The following ST3GAL6 variants were observed in gnomAD, a reference collection of about 807,000 sequenced individuals.
ST3GAL6 encodes type 2 lactosamine alpha-2,3-sialyltransferase.
In ST3GAL6, 31 loss-of-function variants were observed where a neutral mutation model predicts 40.5. That is an observed-to-expected ratio of 0.77 (90% confidence interval 0.58 to 1.03). The LOEUF is 1.03. Among genes scored for constraint, ST3GAL6 ranks in the 50% least tolerant of loss-of-function variants. The pLI is 0.00. For missense variants in ST3GAL6, 357 were observed against 393.2 expected (o/e 0.91, Z 0.78); for synonymous variants, 129 against 136.9 (o/e 0.94, Z 0.40).
intron 1 of ST3GAL6, among the ~76,000 whole-genome samples, chr3:98,747,837 G>GTA (rs1444115238): frequency 2.0e-5 from 3 of 152,158 alleles, no homozygotes; most frequent in African/African-American, 7.2e-5. Context: ...GTGTTTTTGT[G>GTA]TGTATATATA....
At chr3:98,755,368 C>A (rs1003599840) in intron 1 of ST3GAL6, among the ~76,000 whole-genome samples, 3 of 152,092 alleles carry the variant, frequency 2.0e-5, no homozygotes, top group African/African-American at 7.2e-5. Context: ...CTAGATTGAA[C>A]ATAATAAACT....
rs1230503175 is a variant in ST3GAL6, at chr3:98,788,090, C to T, written c.486C>T (p.Thr162=). 7 of 1,613,836 alleles carry T rather than the reference C, an allele frequency of 4.3e-6. No individual in the cohort carries two copies. Among genetic ancestry groups the T allele is most frequent in the East Asian group, 2.2e-5 (1 of 44,868 alleles). ...AAGAAGAAGTTGGGAGAAGGACAACCTTCCGACTTTTTTATCCAGAATCTG... is the reference window on the plus strand; with the variant it reads ...AAGAAGAAGTTGGGAGAAGGACAACTTTCCGACTTTTTTATCCAGAATCTG... ...GHEEEVGRRT[T]FRLFYPESVF... The change falls in exon 7 of 10, where the codon ACC becomes ACT. Residue 162 remains threonine, a synonymous_variant. Transcript: ENST00000483910.
In ST3GAL6 at chr3:98,750,057, A is replaced by C. The variant is rs189478988; in HGVS notation, c.-12+17525A>C. 2.7e-4 allele frequency among the ~76,000 whole-genome samples: 41 copies of C among 152,262 alleles called. 1 individual carries two copies. Among genetic ancestry groups the C allele is most frequent in the African/African-American group, 9.6e-4 (40 of 41,526 alleles). ...AGGGGACTTTCCCTGCCCCGTTCAG[A>C]GACACATGATTTTTTTTTAACAGAA... On this transcript the variant is annotated intron_variant, in intron 1 of 9. Coordinates refer to the ST3GAL6 transcript ENST00000265261.
intron 5 of ST3GAL6, among the ~76,000 whole-genome samples, chr3:98,777,348 G>A (rs1939651187): frequency 6.6e-6 from 1 of 152,210 alleles, no homozygotes; most frequent in Non-Finnish European, 1.5e-5. Context: ...CAAGGTGAGA[G>A]TATTCGTACC....
At chr3:98,742,940 T>C (rs1936226034) in intron 1 of ST3GAL6, among the ~76,000 whole-genome samples, 1 of 151,426 alleles carries the variant, frequency 6.6e-6, no homozygotes, top group Admixed American at 6.6e-5. Flanking sequence ...CCTCAGGTGA[T>C]CTGCCCGACT....
At chr3:98,734,144 A>G (rs1935318637) in intron 1 of ST3GAL6, among the ~76,000 whole-genome samples, 1 of 152,110 alleles carries the variant, frequency 6.6e-6, no homozygotes, top group Non-Finnish European at 1.5e-5. Context: ...CCGGTCCTCA[A>G]TCTTCCTCAC....
chr3:98,745,942 C>T (rs1290290230), intron 1 of ST3GAL6, among the ~76,000 whole-genome samples: 1 of 152,100 alleles, frequency 6.6e-6, no homozygotes, highest in Non-Finnish European at 1.5e-5. Context: ...GCCTTTAGTA[C>T]ATCCATACTC....
chr3:98,745,952 C>G (rs921119501), intron 1 of ST3GAL6, among the ~76,000 whole-genome samples: 1 of 152,108 alleles, frequency 6.6e-6, no homozygotes. Flanking sequence ...CATCCATACT[C>G]TCTCGGCTCA....
intron 5 of ST3GAL6, among the ~76,000 whole-genome samples, chr3:98,776,339 C>T (rs1334574272): frequency 6.6e-6 from 1 of 152,140 alleles, no homozygotes; most frequent in Admixed American, 6.5e-5. Context: ...CTCAAGTGAC[C>T]TTATGTAGTT....
intron 1 of ST3GAL6, among the ~76,000 whole-genome samples, chr3:98,764,117 G>A (rs1938079884): frequency 6.6e-6 from 1 of 152,138 alleles, no homozygotes; most frequent in Middle Eastern, 3.2e-3. Context: ...TTCTTCCTTG[G>A]TGTTGCATAT....
At chr3:98,785,069 G>T (rs1475658498) in intron 6 of ST3GAL6, 29 bp downstream of exon 6, 1 of 1,473,532 alleles carries the variant, frequency 6.8e-7, no homozygotes, top group African/African-American at 1.4e-5. Context: ...TGCTACCCTA[G>T]AATTGTTTCA....
intron 9 of ST3GAL6, among the ~76,000 whole-genome samples, chr3:98,792,509 TA>T (rs200800537): frequency 3.4e-5 from 5 of 146,938 alleles, no homozygotes; most frequent in Admixed American, 6.8e-5. Context: ...AATTTTAGTT[TA>T]AATTTTTTTT....
chr3:98,768,761 G>T (rs774600065), intron 2 of ST3GAL6, among the ~76,000 whole-genome samples: 7 of 152,144 alleles, frequency 4.6e-5, no homozygotes, highest in Non-Finnish European at 1.0e-4. Flanking sequence ...AAGCCATGGT[G>T]TTAACCATCT....
Position 98,788,150 on chromosome 3 carries a change from G to A in ST3GAL6, c.546G>A (p.Thr182=), listed in dbSNP as rs747652874. ...FSDPIHNDPN[T]TVILTAFKPH... is the part of the protein sequence containing the mutation. ...ATCCTATTCACAATGACCCTAATAC[G>A]ACAGTGATTCTCACTGCTTTTAAGC... The change falls in exon 7 of 10, where the codon ACG becomes ACA. Residue 182 remains threonine, a synonymous_variant. Transcript: ENST00000483910. 1.3e-5 allele frequency: 21 copies of A among 1,613,722 alleles called. No individual in the cohort carries two copies. In the South Asian group the frequency reaches 1.4e-4, roughly 11 times the overall value.
chr3:98,732,701 G>T (rs1034067128), intron 1 of ST3GAL6: 11 of 679,410 alleles, frequency 1.6e-5, no homozygotes, highest in South Asian at 2.5e-5. Flanking sequence ...GGCGCTCGGC[G>T]CAGTCGCCCG....
At chr3:98,741,711 T>C (rs1936102924) in intron 1 of ST3GAL6, among the ~76,000 whole-genome samples, 2 of 152,332 alleles carry the variant, frequency 1.3e-5, no homozygotes, top group Middle Eastern at 3.4e-3. Flanking sequence ...TTATAACAGG[T>C]AAATTCTACA....
intron 5 of ST3GAL6, among the ~76,000 whole-genome samples, chr3:98,774,413 C>T (rs908712401): frequency 6.6e-6 from 1 of 152,158 alleles, no homozygotes; most frequent in Admixed American, 6.5e-5. Context: ...GGAAGCAGCT[C>T]TCTTCTTTTT....
chr3:98,772,731 G>A, intron 3 of ST3GAL6, 82 bp from the exon 4 acceptor site: 2 of 874,030 alleles, frequency 2.3e-6, no homozygotes, highest in Non-Finnish European at 1.9e-6. Flanking sequence ...ATTATATGCT[G>A]TAGTTACTTT....
At chr3:98,755,269 A>T (rs1342053261) in intron 1 of ST3GAL6, among the ~76,000 whole-genome samples, 4 of 151,764 alleles carry the variant, frequency 2.6e-5, no homozygotes, top group Non-Finnish European at 5.9e-5. Flanking sequence ...GATGGTCTTG[A>T]TCTCCTGACC....
Sources: allele counts gnomAD v4.1 joint callset (sites outside exome capture counted in the v4.1 genomes callset), GRCh38; gene constraint gnomAD v4.1.1; transcripts MANE v1.5; gene names NCBI Gene and HGNC (gene_info 2026-07-23, HGNC 2026-07-21).